YWHAQ: variants seen among roughly 807,000 people sequenced by gnomAD.
YWHAQ encodes 14-3-3 protein theta.
YWHAQ carries 6 observed loss-of-function variants against 28.3 expected under a neutral mutation model. The ratio of observed to expected loss-of-function variants is 0.21; its 90% CI spans 0.12 to 0.42. The LOEUF is 0.42. Ranked by LOEUF, YWHAQ falls within the 10% of genes least tolerant of loss-of-function variation. The pLI is 1.00. For synonymous variants in YWHAQ, 143 were observed against 119.1 expected, an observed-to-expected ratio of 1.20 and a Z score of -1.31; for missense variants, 201 against 305.6, an observed-to-expected ratio of 0.66 and a Z score of 2.55.
At chr2:9,593,898 T>TAAAA (rs151047530) in intron 2 of YWHAQ, among the ~76,000 whole-genome samples, 18,029 of 120,102 alleles carry the variant, frequency 0.15, 1,550 homozygotes, top group Middle Eastern at 0.21. Context: ...TTAAATAGAT[T>TAAAA]AAAAAAAATA....
chr2:9,593,993 ACACACACG>A (rs916496156), intron 2 of YWHAQ, among the ~76,000 whole-genome samples: 43 of 151,178 alleles, frequency 2.8e-4, no homozygotes, highest in African/African-American at 9.5e-4. Flanking sequence ...ACACACACAC[ACACACACG>A]CACGCACAAA....
rs541560390 is a variant in YWHAQ at position 9,612,103 on chromosome 2, C to T, written c.294+18056G>A. Among the ~76,000 whole-genome samples the T allele has an allele frequency of 2.6e-5, 4 of 152,350 alleles. No homozygotes were observed. In the South Asian group the frequency reaches 8.3e-4, roughly 32 times the overall value. ...CATTCCACCACAAATTGCCAAAGTC[C>T]TACTGATTTCACCTTTTCACAGTGT... On this transcript the variant is annotated intron_variant, in intron 2 of 5. Transcript: ENST00000238081.
Position 9,630,717 on chromosome 2 carries a change from G to T in YWHAQ, c.-82-183C>A. The T allele has an allele frequency of 5.4e-6, 1 of 185,396 alleles. No individual in the cohort carries two copies. The highest frequency in any genetic ancestry group is 6.2e-5 in the Admixed American group (1 of 16,074). The allele number at this position is 185,396 out of a possible 1,614,324, so 11.5% of individuals were successfully genotyped here. ...GCCCGCGGCTGGAGGAGGCGGGGGC[G>T]GCGCGGAGGCCCCGCGCGCAGGGAG... On this transcript the variant is annotated intron_variant, in intron 1 of 5. Transcript: ENST00000238081. The surrounding 1 kb of genome is among the most constrained non-coding windows in gnomAD (Gnocchi z 5.6).
chr2:9,623,863 C>T (rs1257229102), intron 2 of YWHAQ, among the ~76,000 whole-genome samples: 2 of 152,052 alleles, frequency 1.3e-5, no homozygotes, highest in African/African-American at 4.8e-5. Context: ...GGAGATTTGC[C>T]GTTCATCAAT....
chr2:9,603,686 G>A (rs1371926760), intron 2 of YWHAQ, among the ~76,000 whole-genome samples: 4 of 151,966 alleles, frequency 2.6e-5, no homozygotes, highest in Non-Finnish European at 4.4e-5. Flanking sequence ...CACTTCGGGA[G>A]GCTGAGGCAG....
chr2:9,594,010 A>G (rs1019014234), intron 2 of YWHAQ, among the ~76,000 whole-genome samples: 24 of 150,820 alleles, frequency 1.6e-4, no homozygotes, highest in African/African-American at 5.6e-4. Context: ...CGCACGCACA[A>G]AAAATTAGTA....
rs1460109270 is a variant in YWHAQ at position 9,585,166 on chromosome 2, A to C, written c.*120T>G. The C allele has an allele frequency of 2.5e-5, 28 of 1,110,768 alleles. No individual in the cohort carries two copies. Among genetic ancestry groups the C allele is most frequent in the Non-Finnish European group, 2.8e-5 (21 of 751,102 alleles). 68.8% of individuals were successfully genotyped at this position (1,110,768 alleles called of 1,614,324 possible). ...CAAAGCTGCAGTGTGAAAAGACTAT[A>C]AACAGTTGATTCCATACACATGAAT... On this transcript the variant is annotated 3_prime_UTR_variant, in exon 6 of 6. Transcript: ENST00000238081.
chr2:9,630,155 T>G lies in YWHAQ; in HGVS notation c.294+4A>C. The G allele has an allele frequency of 6.2e-7, 1 of 1,605,070 alleles. No individual in the cohort carries two copies. The highest frequency in any genetic ancestry group is 8.5e-7 in the Non-Finnish European group (1 of 1,173,126). ...CTCCCCTGCTCCCCGCGCCGAGGAC[T>G]CACCAGCACCGTGGTGCAGATGGAT... On this transcript the variant is annotated splice_donor_region_variant and intron_variant, in intron 2 of 5. Transcript: ENST00000238081. The surrounding 1 kb of genome is among the most constrained non-coding windows in gnomAD (Gnocchi z 5.6).
chr2:9,617,272 G>C (rs1362672102), intron 2 of YWHAQ, among the ~76,000 whole-genome samples: 3 of 151,910 alleles, frequency 2.0e-5, no homozygotes, highest in Admixed American at 6.6e-5. Context: ...AAAAAAAGTA[G>C]TATTTCTATA....
intron 2 of YWHAQ, among the ~76,000 whole-genome samples, chr2:9,598,408 C>A (rs901895385): frequency 6.6e-6 from 1 of 152,152 alleles, no homozygotes; most frequent in Non-Finnish European, 1.5e-5. Context: ...GCAGACAGAT[C>A]TCATTTTATT....
intron 2 of YWHAQ, among the ~76,000 whole-genome samples, chr2:9,599,319 G>C (rs1053798944): frequency 6.6e-6 from 1 of 152,204 alleles, no homozygotes; most frequent in African/African-American, 2.4e-5. Flanking sequence ...GCTGCAGTAA[G>C]TTATCCAGAA....
intron 2 of YWHAQ, among the ~76,000 whole-genome samples, chr2:9,622,945 C>G (rs1487616916): frequency 6.6e-6 from 1 of 152,168 alleles, no homozygotes; most frequent in Non-Finnish European, 1.5e-5. Context: ...GGTATGAATT[C>G]AGATACGTTT....
intron 2 of YWHAQ, among the ~76,000 whole-genome samples, chr2:9,619,745 C>T (rs1253803711): frequency 6.6e-6 from 1 of 152,184 alleles, no homozygotes; most frequent in Admixed American, 6.5e-5. Context: ...TGTAACCTTT[C>T]CAACCTCTTA....
At chr2:9,614,711 T>C (rs1488491066) in intron 2 of YWHAQ, among the ~76,000 whole-genome samples, 1 of 152,234 alleles carries the variant, frequency 6.6e-6, no homozygotes, top group African/African-American at 2.4e-5. Context: ...GAGCTTTGCC[T>C]AAGTCTATGG....
chr2:9,616,646 C>G (rs6748558), intron 2 of YWHAQ, among the ~76,000 whole-genome samples: 1 of 151,592 alleles, frequency 6.6e-6, no homozygotes, highest in Non-Finnish European at 1.5e-5. Context: ...AGCAAAGGAT[C>G]TGAACAGACA....
chr2:9,605,173 C>CT (rs1299664223), intron 2 of YWHAQ, among the ~76,000 whole-genome samples: 1 of 143,776 alleles, frequency 7.0e-6, no homozygotes, highest in Non-Finnish European at 1.5e-5. Flanking sequence ...GGGTCTCACT[C>CT]TGTTGCTCAT....
At chr2:9,616,714 C>T (rs1667047547) in intron 2 of YWHAQ, among the ~76,000 whole-genome samples, 1 of 152,148 alleles carries the variant, frequency 6.6e-6, no homozygotes, top group Non-Finnish European at 1.5e-5. Context: ...TTCATATCCA[C>T]CAGGATTGGT....
At chr2:9,596,969 A>C (rs1666584440) in intron 2 of YWHAQ, among the ~76,000 whole-genome samples, 1 of 152,218 alleles carries the variant, frequency 6.6e-6, no homozygotes, top group Non-Finnish European at 1.5e-5. Flanking sequence ...GTAAAACAAA[A>C]AAGGGACAGA....
intron 2 of YWHAQ, among the ~76,000 whole-genome samples, chr2:9,594,584 A>G (rs982616246): frequency 6.6e-6 from 1 of 152,188 alleles, no homozygotes; most frequent in Non-Finnish European, 1.5e-5. Context: ...AAGGAACTCT[A>G]ATGTAAAGTA....
Sources: gnomAD v4.1 joint callset for allele counts (sites outside exome capture counted in the v4.1 genomes callset) on GRCh38, gnomAD v4.1.1 for gene constraint, Gnocchi (gnomAD v3.1) non-coding constraint, MANE v1.5 for transcripts, NCBI Gene and HGNC (gene_info 2026-07-23, HGNC 2026-07-21) for gene names.